KCNK13: variants seen among roughly 807,000 people sequenced by gnomAD.
KCNK13 encodes potassium two pore domain channel subfamily K member 13.
KCNK13 carries 12 observed loss-of-function variants against 23.4 expected under a neutral mutation model. That is an observed-to-expected ratio of 0.51 (90% confidence interval 0.33 to 0.83). KCNK13 has a LOEUF of 0.83. Ranked by LOEUF, KCNK13 falls within the 40% of genes least tolerant of loss-of-function variation. The pLI is 0.02. For missense variants in KCNK13, 463 were observed against 556.3 expected, an observed-to-expected ratio of 0.83 and a Z score of 1.69; for synonymous variants, 231 against 229.5, an observed-to-expected ratio of 1.01 and a Z score of -0.06.
At chr14:90,107,746 A>G in intron 1 of KCNK13, 1 of 804,492 alleles carries the variant, frequency 1.2e-6, no homozygotes, top group South Asian at 1.3e-5. Context: ...CCACCTTCCC[A>G]TTCTGCAGGA....
chr14:90,086,487 G>T lies in KCNK13; in HGVS notation c.334+23948G>T, dbSNP rs145356739. Among the ~76,000 whole-genome samples the T allele has an allele frequency of 3.1e-3, 470 of 152,316 alleles. 5 individuals are homozygous for T. Among genetic ancestry groups the T allele is most frequent in the African/African-American group, 0.011 (457 of 41,572 alleles). On this transcript the variant is annotated intron_variant, in intron 1 of 1. Transcript: ENST00000282146. ...AGCCTCCAAGATAGTCAAAATTCTA[G>T]TGAAAACTGAAATAAAACCTATGGC... is the stretch of plus-strand genomic sequence containing the variant.
chr14:90,140,435 G>A (rs1223900989), intron 1 of KCNK13, among the ~76,000 whole-genome samples: 1 of 152,128 alleles, frequency 6.6e-6, no homozygotes, highest in Non-Finnish European at 1.5e-5. Flanking sequence ...ATTTGATACT[G>A]GGGGAAGAGG....
At chr14:90,110,386 C>G (rs962052984) in intron 1 of KCNK13, among the ~76,000 whole-genome samples, 7 of 151,624 alleles carry the variant, frequency 4.6e-5, no homozygotes, top group Admixed American at 2.6e-4. Context: ...GTGGCAGGCA[C>G]CTGTAATCCC....
At chr14:90,129,437 T>A (rs3911813) in intron 1 of KCNK13, among the ~76,000 whole-genome samples, 147,732 of 152,186 alleles carry the variant, frequency 0.97, 71,852 homozygotes, top group East Asian at 1. Flanking sequence ...CCATCCCCAG[T>A]ACTTCTGATT....
intron 1 of KCNK13, among the ~76,000 whole-genome samples, chr14:90,167,330 TTC>T: frequency 6.6e-6 from 1 of 152,222 alleles, no homozygotes; most frequent in Non-Finnish European, 1.5e-5. Flanking sequence ...TTCATTGCTT[TTC>T]TCACCACCAG....
At chr14:90,159,199 T>C (rs1013903872) in intron 1 of KCNK13, among the ~76,000 whole-genome samples, 1 of 152,312 alleles carries the variant, frequency 6.6e-6, no homozygotes, top group Middle Eastern at 3.4e-3. Context: ...ATTAATCCAC[T>C]GAGAGTGGAG....
At position 90,136,660 on chromosome 14, in the gene KCNK13, T is replaced by A. The variant is rs148340366; in HGVS notation, c.335-47451T>A. ...TTTACTGGCTTTCTTGCCAACTGAG[T>A]TTTGAGCTATTTGAGAGCAAGGAGT... is the stretch of plus-strand genomic sequence containing the variant. On this transcript the variant is annotated intron_variant, in intron 1 of 1. Coordinates refer to ENST00000282146, the MANE Select transcript of KCNK13 (RefSeq NM_022054.4). Among the ~76,000 whole-genome samples, 988 of 152,106 alleles carry A rather than the reference T, an allele frequency of 6.5e-3. 12 individuals carry two copies. The highest frequency in any genetic ancestry group is 0.022 in the African/African-American group (906 of 41,498).
chr14:90,151,040 G>A (rs1890129136), intron 1 of KCNK13, among the ~76,000 whole-genome samples: 1 of 152,104 alleles, frequency 6.6e-6, no homozygotes, highest in Non-Finnish European at 1.5e-5. Context: ...ACTTTATGAT[G>A]TGCCTGCTTC....
intron 1 of KCNK13, among the ~76,000 whole-genome samples, chr14:90,178,679 T>A (rs2140448091): frequency 6.6e-6 from 1 of 152,124 alleles, no homozygotes; most frequent in South Asian, 2.1e-4. Context: ...TAAAAATAAA[T>A]ATATAAATAA....
At chr14:90,064,057 CCT>C (rs1447710210) in intron 1 of KCNK13, among the ~76,000 whole-genome samples, 7 of 152,264 alleles carry the variant, frequency 4.6e-5, no homozygotes, top group African/African-American at 1.4e-4. Context: ...TGGTTCTCCC[CCT>C]GAGCCCACAC....
chr14:90,098,062 G>T (rs1272305267), intron 1 of KCNK13, among the ~76,000 whole-genome samples: 1 of 152,030 alleles, frequency 6.6e-6, no homozygotes, highest in Non-Finnish European at 1.5e-5. Context: ...CTATCTCTAG[G>T]CCTGCATCTC....
intron 1 of KCNK13, among the ~76,000 whole-genome samples, chr14:90,087,922 T>C (rs1889299947): frequency 6.6e-6 from 1 of 152,236 alleles, no homozygotes; most frequent in African/African-American, 2.4e-5. Context: ...TACTTGGCTG[T>C]AAATGCTGAT....
At chr14:90,097,550 G>T (rs927891705) in intron 1 of KCNK13, among the ~76,000 whole-genome samples, 1 of 152,088 alleles carries the variant, frequency 6.6e-6, no homozygotes, top group Non-Finnish European at 1.5e-5. Flanking sequence ...TCAAATTTCA[G>T]CATGAATTTT....
chr14:90,085,222 G>C (rs1352459380), intron 1 of KCNK13, among the ~76,000 whole-genome samples: 1 of 152,050 alleles, frequency 6.6e-6, no homozygotes, highest in African/African-American at 2.4e-5. Flanking sequence ...TAGGATTACA[G>C]GTGTGAGCCA....
chr14:90,066,183 C>T (rs1289145260), intron 1 of KCNK13, among the ~76,000 whole-genome samples: 2 of 149,224 alleles, frequency 1.3e-5, no homozygotes, highest in African/African-American at 5.0e-5. Context: ...GACATGTTGG[C>T]CAGGCTGGTC....
At chr14:90,108,691 A>T (rs983529988) in intron 1 of KCNK13, among the ~76,000 whole-genome samples, 1 of 152,258 alleles carries the variant, frequency 6.6e-6, no homozygotes, top group Non-Finnish European at 1.5e-5. Context: ...CAGAGGCACA[A>T]GTGCAGAGGC....
At position 90,126,915 on chromosome 14, in the gene KCNK13, A is replaced by G. The variant is rs547188065; in HGVS notation, c.335-57196A>G. On this transcript the variant is annotated intron_variant, in intron 1 of 1. Coordinates refer to ENST00000282146, the MANE Select transcript of KCNK13 (RefSeq NM_022054.4). ...ATTCTACAAAATACCTAACCAGTACATCAAGATTGTCAAGGTTATCAAAAC... is the reference window on the plus strand; with the variant it reads ...ATTCTACAAAATACCTAACCAGTACGTCAAGATTGTCAAGGTTATCAAAAC... Among the ~76,000 whole-genome samples, 89 of 152,276 alleles carry G rather than the reference A, an allele frequency of 5.8e-4. 2 individuals carry two copies. Among genetic ancestry groups the G allele is most frequent in the African/African-American group, 1.9e-3 (77 of 41,556 alleles).
chr14:90,133,811 A>G (rs1889903070), intron 1 of KCNK13, among the ~76,000 whole-genome samples: 1 of 152,034 alleles, frequency 6.6e-6, no homozygotes, highest in African/African-American at 2.4e-5. Context: ...GGCAGCCTCC[A>G]TGATCCCTCT....
intron 1 of KCNK13, among the ~76,000 whole-genome samples, chr14:90,157,702 CT>C (rs34114368): frequency 0.44 from 44,040 of 99,912 alleles, 9,809 homozygotes; most frequent in Middle Eastern, 0.51. Context: ...CTTGGCTTTC[CT>C]TTTTTTTTTT....
Sources: gnomAD v4.1 joint callset for allele counts (sites outside exome capture counted in the v4.1 genomes callset) on GRCh38, gnomAD v4.1.1 for gene constraint, MANE v1.5 for transcripts, NCBI Gene and HGNC (gene_info 2026-07-23, HGNC 2026-07-21) for gene names.